The following WAPL variants were observed in gnomAD, a reference collection of about 807,000 sequenced individuals.
The protein encoded by WAPL is wings apart-like protein homolog.
A neutral mutation model predicts 121.0 loss-of-function variants in WAPL; 5 were observed. The ratio of observed to expected loss-of-function variants is 0.04; its 90% confidence interval spans 0.02 to 0.09. The LOEUF is 0.09. Ranked by LOEUF, WAPL falls within the 10% of genes least tolerant of loss-of-function variation. WAPL has a pLI of 1.00. For missense variants in WAPL, 999 were observed against 1,410.8 expected, an observed-to-expected ratio of 0.71 and a Z score of 4.68; for synonymous variants, 480 against 481.5, an observed-to-expected ratio of 1.00 and a Z score of 0.04.
intron 9 of WAPL, among the ~76,000 whole-genome samples, chr10:86,465,705 C>T (rs1193472849): frequency 6.6e-6 from 1 of 152,188 alleles, no homozygotes; most frequent in Non-Finnish European, 1.5e-5. Context: ...GGTGTAATGG[C>T]ATGGGGATCC....
intron 2 of WAPL, among the ~76,000 whole-genome samples, chr10:86,501,071 G>A (rs1267004925): frequency 6.6e-6 from 1 of 152,004 alleles, no homozygotes; most frequent in Non-Finnish European, 1.5e-5. Context: ...GGGTATTATG[G>A]GCTTTTCAAA....
At chr10:86,461,870 GTC>G (rs1449347650) in intron 9 of WAPL, among the ~76,000 whole-genome samples, 2 of 131,434 alleles carry the variant, frequency 1.5e-5, no homozygotes, top group Admixed American at 1.6e-4. Context: ...AAGACTGATT[GTC>G]TTTTCTTATT....
chr10:86,476,189 C>A (rs1841648061), intron 4 of WAPL, among the ~76,000 whole-genome samples: 1 of 150,458 alleles, frequency 6.6e-6, no homozygotes, highest in South Asian at 2.1e-4. Context: ...CACGGTGAAA[C>A]CCCGTCTCTA....
At chr10:86,503,578 C>T (rs1290904362) in intron 2 of WAPL, among the ~76,000 whole-genome samples, 3 of 151,890 alleles carry the variant, frequency 2.0e-5, no homozygotes, top group African/African-American at 7.3e-5. Flanking sequence ...CAGTGAAACT[C>T]CGTCTCTACT....
chr10:86,460,569 T>C, intron 10 of WAPL, 73 bp from the exon 11 acceptor site: 2 of 1,255,494 alleles, frequency 1.6e-6, no homozygotes, highest in Admixed American at 3.8e-5. Context: ...TTAGCTAACA[T>C]TAGAAGCCAT....
At chr10:86,459,805 AT>A (rs1329419269) in intron 11 of WAPL, among the ~76,000 whole-genome samples, 1 of 152,234 alleles carries the variant, frequency 6.6e-6, no homozygotes, top group Non-Finnish European at 1.5e-5. Flanking sequence ...AGAAATTCAC[AT>A]TAAGGAAAAA....
At chr10:86,447,859 G>A (rs1048856602) in intron 15 of WAPL, among the ~76,000 whole-genome samples, 3 of 151,580 alleles carry the variant, frequency 2.0e-5, no homozygotes, top group Non-Finnish European at 2.9e-5. Flanking sequence ...CGACTAGCCC[G>A]GCAAACACAG....
At chr10:86,481,108 A>C (rs80296629) in intron 4 of WAPL, among the ~76,000 whole-genome samples, 13,150 of 152,210 alleles carry the variant, frequency 0.086, 994 homozygotes, top group East Asian at 0.38. Flanking sequence ...TGAAAGTATA[A>C]AATTTTGCCA....
At chr10:86,469,833 A>G (rs987692144) in intron 8 of WAPL, among the ~76,000 whole-genome samples, 1 of 152,150 alleles carries the variant, frequency 6.6e-6, no homozygotes, top group African/African-American at 2.4e-5. Context: ...ACTGCCCTTA[A>G]AAATCACACT....
At chr10:86,483,998 C>T (rs1841868851) in intron 4 of WAPL, among the ~76,000 whole-genome samples, 1 of 150,280 alleles carries the variant, frequency 6.7e-6, no homozygotes, top group African/African-American at 2.4e-5. Context: ...GGATTACAGG[C>T]GTGAGCCACC....
chr10:86,496,143 G>A (rs1043918012), intron 4 of WAPL, among the ~76,000 whole-genome samples: 7 of 152,032 alleles, frequency 4.6e-5, no homozygotes, highest in African/African-American at 1.7e-4. Flanking sequence ...ACTGGGCAAA[G>A]GACTTAGACA....
chr10:86,490,225 C>T (rs1273440867), intron 4 of WAPL, among the ~76,000 whole-genome samples: 2 of 151,090 alleles, frequency 1.3e-5, no homozygotes, highest in East Asian at 3.9e-4. Flanking sequence ...AAAAAAAAAA[C>T]ACATACACAC....
intron 12 of WAPL, among the ~76,000 whole-genome samples, chr10:86,458,262 C>G (rs981889180): frequency 6.6e-6 from 1 of 152,168 alleles, no homozygotes; most frequent in African/African-American, 2.4e-5. Flanking sequence ...ATATCAAGAA[C>G]TAGGACAGAG....
At chr10:86,439,510 G>A (rs538995067) in intron 17 of WAPL, among the ~76,000 whole-genome samples, 18 of 152,282 alleles carry the variant, frequency 1.2e-4, no homozygotes, top group Admixed American at 6.5e-4. Context: ...GACATACAGC[G>A]TTTCTGAGGC....
rs1326943191 is a variant in WAPL at position 86,435,909 on chromosome 10, A to G, written c.*1634T>C. The G allele has an allele frequency of 2.6e-5, 4 of 152,232 alleles. No homozygotes were observed. Among genetic ancestry groups the G allele is most frequent in the African/African-American group, 9.6e-5 (4 of 41,464 alleles). 9.4% of individuals were successfully genotyped at this position (152,232 alleles called of 1,614,324 possible). A position where few individuals can be genotyped will look rare whatever the true frequency, so the allele number is the denominator to read the frequency against. On this transcript the variant is annotated 3_prime_UTR_variant, in exon 19 of 19. Transcript: ENST00000298767. ...TTAATTTTACGGGTATCATTTACCA[A>G]TATGTTTTTAAAAGTATTTTGCTAA...
chr10:86,455,802 T>G (rs575212250), intron 12 of WAPL, among the ~76,000 whole-genome samples: 16 of 151,858 alleles, frequency 1.1e-4, no homozygotes, highest in Admixed American at 9.8e-4. Flanking sequence ...TGTAAAATAC[T>G]TAACAGCAGG....
In WAPL at chr10:86,472,966, AAG is replaced by A. The variant is rs1841567527; in HGVS notation, c.1741-204_1741-203del. ...AAGACATATGTATATCTGCACACAGAAGAACCACTCAAGGATTTCTTCTGGTC... is the reference window on the plus strand; with the variant it reads ...AAGACATATGTATATCTGCACACAGAAACCACTCAAGGATTTCTTCTGGTC... On this transcript the variant is annotated intron_variant, in intron 5 of 18. Transcript: ENST00000298767. This position sits in a 1 kb window ranked among gnomAD's most constrained non-coding sequence, Gnocchi z 4.2. Among the ~76,000 whole-genome samples the A allele has an allele frequency of 6.6e-6, 1 of 152,196 alleles. No homozygotes were observed. Among genetic ancestry groups the A allele is most frequent in the Non-Finnish European group, 1.5e-5 (1 of 68,026 alleles).
chr10:86,516,432 G>A (rs1337036848), intron 2 of WAPL, among the ~76,000 whole-genome samples: 2 of 152,270 alleles, frequency 1.3e-5, no homozygotes, highest in East Asian at 1.9e-4. Context: ...TTTGCCTTAA[G>A]AATTCAGTAC....
At chr10:86,509,327 TAC>T (rs1288535095) in intron 2 of WAPL, among the ~76,000 whole-genome samples, 3 of 152,134 alleles carry the variant, frequency 2.0e-5, no homozygotes, top group Non-Finnish European at 4.4e-5. Flanking sequence ...CTGCTCACAT[TAC>T]ATAGCTGGGA....
Sources: allele counts gnomAD v4.1 joint callset (sites outside exome capture counted in the v4.1 genomes callset), GRCh38; gene constraint gnomAD v4.1.1; non-coding constraint Gnocchi (gnomAD v3.1); transcripts MANE v1.5; gene names NCBI Gene and HGNC (gene_info 2026-07-23, HGNC 2026-07-21).